TRMU: variants seen among roughly 807,000 people sequenced by gnomAD.
TRMU encodes the protein tRNA mitochondrial 2-thiouridylase, also known as mitochondrial tRNA-specific 2-thiouridylase 1.
TRMU carries 49 observed loss-of-function variants against 46.9 expected under a neutral mutation model. The ratio of observed to expected loss-of-function variants is 1.05; its 90% CI spans 0.83 to 1.33. The LOEUF (loss-of-function observed/expected upper bound fraction) is 1.33. Among genes scored for constraint, TRMU ranks in the 40% most tolerant of loss-of-function variants. TRMU has a pLI of 0.00. For missense variants in TRMU, 572 were observed against 532.4 expected, an observed-to-expected ratio of 1.07 and a Z score of -0.73; for synonymous variants, 241 against 200.9, an observed-to-expected ratio of 1.20 and a Z score of -1.69.
Position 46,355,511 on chromosome 22 carries a change from C to T in TRMU, c.941C>T (p.Ala314Val), listed in dbSNP as rs760149424. 6.2e-6 allele frequency: 10 copies of T among 1,613,114 alleles called. No homozygotes were observed. The highest frequency in any genetic ancestry group is 2.7e-5 in the African/African-American group (2 of 74,926). ...AGGACCAGCCGCGTGCACTGGATTG[C>T]GGAGGAGCCTCCCGCAGCACTGGTC... ...LLRTSRVHWI[A>V]EEPPAALVRD... The change falls in exon 9 of 11, where the codon GCG (alanine) becomes GTG (valine). Residue 314 changes from alanine (A) to valine (V), a missense_variant. Physicochemically the swap from Ala to Val is moderately conservative, Grantham distance 64. Transcript: ENST00000645190.
intron 6 of TRMU, 25 bp from the exon 7 acceptor site, chr22:46,352,239 C>T (rs755952215): frequency 4.3e-6 from 7 of 1,614,026 alleles, no homozygotes; most frequent in African/African-American, 2.7e-5. Flanking sequence ...AGATCTCCGT[C>T]GGTAATGACA....
chr22:46,354,017 C>A, intron 8 of TRMU, 150 bp downstream of exon 8: 1 of 717,424 alleles, frequency 1.4e-6, no homozygotes, highest in Non-Finnish European at 2.5e-6. Context: ...CCTGCCTTTC[C>A]TGGGACTGGC....
In TRMU at chr22:46,351,449, G is replaced by C. The variant is rs573901996; in HGVS notation, c.652-672G>C. Among the ~76,000 whole-genome samples, 1 of 151,382 alleles carries C rather than the reference G, an allele frequency of 6.6e-6. No homozygotes were observed. The highest frequency in any genetic ancestry group is 1.5e-5 in the Non-Finnish European group (1 of 68,012). ...AGGGGCCAGTGCGGTGGGAGCTGTT[G>C]CTCCTTCGTGTCTCTTCCTGGTAAT... is the stretch of plus-strand genomic sequence containing the variant. On this transcript the variant is annotated intron_variant, in intron 5 of 10. Coordinates refer to ENST00000645190, the MANE Select transcript of TRMU (RefSeq NM_018006.5). The surrounding 1 kb of genome is among the most constrained non-coding windows in gnomAD (Gnocchi z 6.4).
rs1453869440 is a variant in TRMU, at chr22:46,347,408, G to C, written c.478+864G>C. 1 of 152,138 alleles carries C rather than the reference G, an allele frequency of 6.6e-6. No homozygotes were observed. The highest frequency in any genetic ancestry group is 1.5e-5 in the Non-Finnish European group (1 of 68,036). 9.4% of individuals were successfully genotyped at this position (152,138 alleles called of 1,614,324 possible). A position where few individuals can be genotyped will look rare whatever the true frequency, so the allele number is the denominator to read the frequency against. On this transcript the variant is annotated intron_variant, in intron 4 of 10. Transcript: ENST00000645190. This position sits in a 1 kb window ranked among gnomAD's most constrained non-coding sequence, Gnocchi z 5.0. ...ACTCTGTCAACCGGGCTGGAGTACA[G>C]TGGCCCGATCTTGGCTCGCTGCAGC...
rs1199688790 is a variant in TRMU at position 46,337,796 on chromosome 22, G to A, written c.100G>A (p.Val34Met). ...GCCCGCAGGTTACCAGGTGACAGGG[G>A]TGTTTATGAAGAACTGGGACTCACT... Reference protein sequence around the residue: ...LRRRGYQVTGVFMKNWDSLDE... With the variant: ...LRRRGYQVTGMFMKNWDSLDE... Residue 34 changes from valine to methionine, a missense_variant, in exon 2 of 11, where the codon GTG (valine) becomes ATG (methionine). Transcript: ENST00000645190. The A allele has an allele frequency of 1.2e-6, 2 of 1,614,232 alleles. No homozygotes were observed. The highest frequency in any genetic ancestry group is 3.3e-5 in the Admixed American group (2 of 60,032).
chr22:46,356,128 AG>A, intron 10 of TRMU, 56 bp downstream of exon 10: 1 of 1,600,136 alleles, frequency 6.2e-7, no homozygotes, highest in Non-Finnish European at 8.6e-7. Flanking sequence ...GCACCCTGCC[AG>A]GGCACCCGGG....
At chr22:46,343,194 G>A in intron 2 of TRMU, 68 bp from the exon 3 acceptor site, 1 of 1,131,922 alleles carries the variant, frequency 8.8e-7, no homozygotes, top group South Asian at 1.3e-5. Flanking sequence ...AAGCAATTTA[G>A]TGAACTTTTT....
intron 2 of TRMU, among the ~76,000 whole-genome samples, chr22:46,340,322 G>A (rs2078089084): frequency 6.6e-6 from 1 of 152,170 alleles, no homozygotes; most frequent in Non-Finnish European, 1.5e-5. Flanking sequence ...CTGGGTGGCT[G>A]GGGAAAGCTG....
At chr22:46,356,358 C>G in intron 10 of TRMU, 2 of 500,482 alleles carry the variant, frequency 4.0e-6, no homozygotes, top group African/African-American at 1.9e-5. Context: ...ATGGAAGGGG[C>G]ATGAGGACAG....
At chr22:46,356,126 C>T (rs1602000045) in intron 10 of TRMU, 54 bp downstream of exon 10, 2 of 1,593,268 alleles carry the variant, frequency 1.3e-6, no homozygotes, top group East Asian at 2.2e-5. Flanking sequence ...CTGCACCCTG[C>T]CAGGGCACCC....
chr22:46,342,273 C>T lies in TRMU; in HGVS notation c.249-989C>T, dbSNP rs1230067434. The stretch of plus-strand genomic sequence containing the variant: ...TAATTTGCTGGAGTGGTTCACAGAA[C>T]TCAGAAAAACACATTTACCAGTTTA... On this transcript the variant is annotated intron_variant, in intron 2 of 10. Coordinates refer to ENST00000645190, the MANE Select transcript of TRMU (RefSeq NM_018006.5). This position sits in a 1 kb window ranked among gnomAD's most constrained non-coding sequence, Gnocchi z 4.7. Among the ~76,000 whole-genome samples the T allele has an allele frequency of 6.6e-6, 1 of 152,138 alleles. No homozygotes were observed. The highest frequency in any genetic ancestry group is 6.5e-5 in the Admixed American group (1 of 15,274).
In TRMU at chr22:46,336,134, T is replaced by TGGGGA. The variant is rs2077970190; in HGVS notation, c.82+292_82+296dup. 4 of 1,325,958 alleles carry TGGGGA rather than the reference T, an allele frequency of 3.0e-6. No homozygotes were observed. Among genetic ancestry groups the TGGGGA allele is most frequent in the Non-Finnish European group, 3.9e-6 (4 of 1,037,340 alleles). The allele number at this position is 1,325,958 out of a possible 1,614,324, so 82.1% of individuals were successfully genotyped here. On this transcript the variant is annotated intron_variant, in intron 1 of 10. Transcript: ENST00000645190. This position sits in a 1 kb window ranked among gnomAD's most constrained non-coding sequence, Gnocchi z 4.1. ...GAGAAGCCGGCGGGCCGGGGTGGGG[T>TGGGGA]GGGGAGGGAAGGGTTTCTCACGGAT...
chr22:46,356,274 C>T (rs2078605349), intron 10 of TRMU: 1 of 603,214 alleles, frequency 1.7e-6, no homozygotes, highest in Non-Finnish European at 3.0e-6. Context: ...ACTCTGGTGT[C>T]ACCAACCAGC....
rs2078363979 is a variant in TRMU, at chr22:46,349,960, T to C, written c.479-331T>C. 6.6e-6 allele frequency among the ~76,000 whole-genome samples: 1 copy of C among 151,680 alleles called. No individual in the cohort carries two copies. Among genetic ancestry groups the C allele is most frequent in the African/African-American group, 2.4e-5 (1 of 41,006 alleles). ...CTAGCTTACTCCATTTTCCAAGATTTGGCTGAATTTATTTTAGGTGTTTTT... is the reference window on the plus strand; with the variant it reads ...CTAGCTTACTCCATTTTCCAAGATTCGGCTGAATTTATTTTAGGTGTTTTT... On this transcript the variant is annotated intron_variant, in intron 4 of 10. Coordinates refer to ENST00000645190, the MANE Select transcript of TRMU (RefSeq NM_018006.5). The surrounding 1 kb of genome is among the most constrained non-coding windows in gnomAD (Gnocchi z 4.6).
chr22:46,352,553 C>A, intron 7 of TRMU: 1 of 615,542 alleles, frequency 1.6e-6, no homozygotes, highest in Non-Finnish European at 2.9e-6. Context: ...TGCTGGAGTT[C>A]ATGAAAAGCG....
Position 46,355,972 on chromosome 22 carries a change from C to T in TRMU, c.1019-18C>T, listed in dbSNP as rs199521953. ...GAAAGGCCTGTGCCCCCTCCAAGGG[C>T]CCCTCTCTTCTACCCAGTGCCCTGT... On this transcript the variant is annotated intron_variant, in intron 9 of 10. Transcript: ENST00000645190. 3.1e-6 allele frequency: 5 copies of T among 1,613,706 alleles called. No homozygotes were observed. The East Asian group carries it at 1.1e-4, about 36-fold the overall frequency.
At chr22:46,353,726 A>G (rs1187140824) in intron 7 of TRMU, 41 bp from the exon 8 acceptor site, 1 of 1,590,968 alleles carries the variant, frequency 6.3e-7, no homozygotes, top group Non-Finnish European at 8.6e-7. Flanking sequence ...TGTGGGCTGT[A>G]ACTTGTTGCC....
chr22:46,351,799 G>A lies in TRMU; in HGVS notation c.652-322G>A. On this transcript the variant is annotated intron_variant, in intron 5 of 10. Transcript: ENST00000645190. This position sits in a 1 kb window ranked among gnomAD's most constrained non-coding sequence, Gnocchi z 6.4. ...GCTACCTGCCCCTTCTCTGGTCCCT[G>A]TCTCTCCCCCACTCCTCGCAGGACA... 2 of 448,438 alleles carry A rather than the reference G, an allele frequency of 4.5e-6. No homozygotes were observed. 27.8% of individuals were successfully genotyped at this position (448,438 alleles called of 1,614,324 possible).
In TRMU at chr22:46,347,699, C is replaced by T. The variant is rs933639888; in HGVS notation, c.478+1155C>T. Among the ~76,000 whole-genome samples, 2 of 152,208 alleles carry T rather than the reference C, an allele frequency of 1.3e-5. No homozygotes were observed. The highest frequency in any genetic ancestry group is 2.9e-5 in the Non-Finnish European group (2 of 68,036). On this transcript the variant is annotated intron_variant, in intron 4 of 10. Transcript: ENST00000645190. This position sits in a 1 kb window ranked among gnomAD's most constrained non-coding sequence, Gnocchi z 5.0. The stretch of plus-strand genomic sequence containing the variant: ...TAGCAGTCCATGAGGTGTATGCTCT[C>T]ATCCCGTTTCACAGATGAGGAAACC...
Sources: gnomAD v4.1 joint callset for allele counts (sites outside exome capture counted in the v4.1 genomes callset) on GRCh38, gnomAD v4.1.1 for gene constraint, Gnocchi (gnomAD v3.1) non-coding constraint, MANE v1.5 for transcripts, NCBI Gene and HGNC (gene_info 2026-07-23, HGNC 2026-07-21) for gene names.